CELF2: variants seen among roughly 807,000 people sequenced by gnomAD.
CELF2 encodes the protein CUGBP Elav-like family member 2, also known as CUG triplet repeat RNA-binding protein 2.
In CELF2, 8 loss-of-function variants were observed where a neutral mutation model predicts 62.6. That is an observed-to-expected ratio of 0.13 (90% CI 0.07 to 0.23). CELF2 has a LOEUF of 0.23. CELF2 is among the 10% of genes least tolerant of loss of function. CELF2 has a pLI of 1.00. For missense variants in CELF2, 333 were observed against 671.0 expected (o/e 0.50, Z 5.56); for synonymous variants, 258 against 250.0 (o/e 1.03, Z -0.30).
chr10:10,794,440 G>T (rs983597386), upstream of CELF2, among the ~76,000 whole-genome samples: 1 of 152,048 alleles, frequency 6.6e-6, no homozygotes, highest in Admixed American at 6.5e-5. Flanking sequence ...AAAGCAAGCC[G>T]CTCCAAAACA....
At chr10:11,112,460 G>A (rs545752608) in intron 1 of CELF2, among the ~76,000 whole-genome samples, 33 of 152,218 alleles carry the variant, frequency 2.2e-4, no homozygotes, top group Non-Finnish European at 4.3e-4. Flanking sequence ...CAGTACACAC[G>A]TGTGTGTCAC....
intron 12 of CELF2, among the ~76,000 whole-genome samples, chr10:11,327,412 T>C (rs2095808403): frequency 1.3e-5 from 2 of 152,242 alleles, no homozygotes; most frequent in South Asian, 4.1e-4. Context: ...CATACTGATG[T>C]AAACCATAGC....
At chr10:11,006,664 A>G (rs2055331574) in intron 1 of CELF2, among the ~76,000 whole-genome samples, 1 of 152,236 alleles carries the variant, frequency 6.6e-6, no homozygotes, top group Non-Finnish European at 1.5e-5. Context: ...TCCCTTTGGC[A>G]TCCATGTAGA....
At chr10:11,120,697 A>G (rs1021828327) in intron 1 of CELF2, among the ~76,000 whole-genome samples, 2 of 152,172 alleles carry the variant, frequency 1.3e-5, no homozygotes, top group African/African-American at 4.8e-5. Flanking sequence ...GCATCTAGGG[A>G]GTGCTTAATT....
At chr10:10,843,465 T>C (rs1281276445) in intron 1 of CELF2, among the ~76,000 whole-genome samples, 1 of 152,014 alleles carries the variant, frequency 6.6e-6, no homozygotes, top group Non-Finnish European at 1.5e-5. Flanking sequence ...TTGCTGCATG[T>C]CGCAAATTTT....
At chr10:11,278,593 GA>G (rs2087022136) in intron 8 of CELF2, among the ~76,000 whole-genome samples, 1 of 152,104 alleles carries the variant, frequency 6.6e-6, no homozygotes, top group South Asian at 2.1e-4. Flanking sequence ...TCATATAACA[GA>G]AAAACAAGGG....
rs2061677014 is a variant in CELF2 at position 11,211,121 on chromosome 10, T to C, written c.272-6304T>C. On this transcript the variant is annotated intron_variant, in intron 2 of 12. Transcript: ENST00000633077. The surrounding 1 kb of genome is among the most constrained non-coding windows in gnomAD (Gnocchi z 4.8). ...GCAAGACCCAGTCTCTACTAAATAA[T>C]TTAAAAATTAGCCTGGTGTAGTGGC... 6.6e-6 allele frequency among the ~76,000 whole-genome samples: 1 copy of C among 152,080 alleles called. No individual in the cohort carries two copies. Among genetic ancestry groups the C allele is most frequent in the South Asian group, 2.1e-4 (1 of 4,822 alleles).
At chr10:10,974,305 C>T in intron 2 of CELF2, among the ~76,000 whole-genome samples, 1 of 152,124 alleles carries the variant, frequency 6.6e-6, no homozygotes, top group Non-Finnish European at 1.5e-5. Flanking sequence ...ATAAAAGATA[C>T]AGTGAATTAT....
chr10:10,475,302 T>A, the CELF2 span, among the ~76,000 whole-genome samples: 2 of 151,998 alleles, frequency 1.3e-5, no homozygotes, highest in East Asian at 3.9e-4. Flanking sequence ...GGGTTCCTGA[T>A]GGTCTAGTCT....
the CELF2 span, among the ~76,000 whole-genome samples, chr10:10,661,175 T>G: frequency 6.6e-6 from 1 of 152,254 alleles, no homozygotes; most frequent in Non-Finnish European, 1.5e-5. Context: ...TCCAGCCATT[T>G]CCACATCCTC....
the CELF2 span, among the ~76,000 whole-genome samples, chr10:10,712,417 C>G: frequency 6.6e-6 from 1 of 152,122 alleles, no homozygotes. Context: ...AGTTTCTCTA[C>G]TACATCACCG....
intron 1 of CELF2, among the ~76,000 whole-genome samples, chr10:11,053,311 G>A (rs1404869697): frequency 2.0e-5 from 3 of 152,126 alleles, no homozygotes; most frequent in African/African-American, 7.2e-5. Flanking sequence ...CAGTGAAGTA[G>A]ACAGAATACT....
At chr10:10,589,657 T>C in the CELF2 span, among the ~76,000 whole-genome samples, 1 of 152,130 alleles carries the variant, frequency 6.6e-6, no homozygotes, top group Non-Finnish European at 1.5e-5. Flanking sequence ...GGTGAGTGCC[T>C]GGCCAAGCTG....
At chr10:10,543,028 C>T in the CELF2 span, among the ~76,000 whole-genome samples, 1 of 152,198 alleles carries the variant, frequency 6.6e-6, no homozygotes, top group Non-Finnish European at 1.5e-5. Context: ...AGGCATCCCC[C>T]TGGAGAAGAG....
intron 2 of CELF2, among the ~76,000 whole-genome samples, chr10:10,940,412 T>C (rs1382537134): frequency 3.3e-5 from 5 of 152,182 alleles, no homozygotes; most frequent in Non-Finnish European, 7.3e-5. Flanking sequence ...TCCTTTGTCA[T>C]GCAGGGAAAG....
chr10:11,055,873 A>G (rs1015255021), intron 1 of CELF2, among the ~76,000 whole-genome samples: 15 of 152,182 alleles, frequency 9.9e-5, no homozygotes, highest in Non-Finnish European at 5.9e-5. Context: ...CTGCTGTATT[A>G]TTTAAATCCC....
intron 2 of CELF2, among the ~76,000 whole-genome samples, chr10:11,206,577 A>T (rs1163261999): frequency 6.6e-6 from 1 of 152,196 alleles, no homozygotes; most frequent in Non-Finnish European, 1.5e-5. Flanking sequence ...CTGCTGAGCC[A>T]CTGGTCTCCA....
chr10:10,864,300 A>C (rs1322020923), intron 1 of CELF2, among the ~76,000 whole-genome samples: 2 of 151,902 alleles, frequency 1.3e-5, no homozygotes, highest in Admixed American at 6.6e-5. Context: ...TCATTTCTCC[A>C]GTGCATTCCA....
the CELF2 span, among the ~76,000 whole-genome samples, chr10:10,660,569 A>C: frequency 6.6e-6 from 1 of 152,186 alleles, no homozygotes; most frequent in Non-Finnish European, 1.5e-5. Context: ...AGGCACTCCC[A>C]GTATTTTATT....
Sources: gnomAD v4.1 joint callset for allele counts (sites outside exome capture counted in the v4.1 genomes callset) on GRCh38, gnomAD v4.1.1 for gene constraint, Gnocchi (gnomAD v3.1) non-coding constraint, MANE v1.5 for transcripts, NCBI Gene and HGNC (gene_info 2026-07-23, HGNC 2026-07-21) for gene names.